The following DYNC1I1 variants were observed in gnomAD, a reference collection of about 807,000 sequenced individuals.
DYNC1I1 encodes the protein cytoplasmic dynein 1 intermediate chain 1.
In DYNC1I1, 43 loss-of-function variants were observed where a neutral mutation model predicts 86.6. The observed-to-expected ratio is 0.50, with a 90% CI of 0.39 to 0.64. The LOEUF is 0.64. Ranked by LOEUF, DYNC1I1 falls within the 30% of genes least tolerant of loss-of-function variation. The pLI is 0.00. For missense variants in DYNC1I1, 604 were observed against 788.8 expected (o/e 0.77, Z 2.81); for synonymous variants, 262 against 283.7 (o/e 0.92, Z 0.77).
At chr7:96,060,722 GTGTTGGGGAAAGGAGCATA>G (rs1425010794) in intron 14 of DYNC1I1, among the ~76,000 whole-genome samples, 1 of 152,026 alleles carries the variant, frequency 6.6e-6, no homozygotes, top group African/African-American at 2.4e-5. Flanking sequence ...GGCTGTGCAT[GTGTTGGGGAAAGGAGCATA>G]TGGGAAATCT....
At chr7:96,016,544 T>C (rs2115881103) in intron 10 of DYNC1I1, among the ~76,000 whole-genome samples, 1 of 152,260 alleles carries the variant, frequency 6.6e-6, no homozygotes, top group East Asian at 1.9e-4. Flanking sequence ...GACACACATA[T>C]CATGCAATTG....
At chr7:95,831,763 C>T (rs933234872) in intron 5 of DYNC1I1, among the ~76,000 whole-genome samples, 14 of 152,056 alleles carry the variant, frequency 9.2e-5, no homozygotes, top group African/African-American at 1.4e-4. Context: ...AACACTTTTT[C>T]ATATACATAT....
intron 10 of DYNC1I1, 31 bp downstream of exon 10, chr7:95,996,104 A>T (rs773430143): frequency 2.0e-5 from 33 of 1,613,634 alleles, no homozygotes; most frequent in Non-Finnish European, 2.5e-5. Context: ...AATAACTTAC[A>T]TCTCCTGCTA....
intron 5 of DYNC1I1, among the ~76,000 whole-genome samples, chr7:95,858,907 T>C (rs911353189): frequency 6.8e-6 from 1 of 147,066 alleles, no homozygotes; most frequent in Admixed American, 6.8e-5. Context: ...ATATTTATTA[T>C]TTTAATAATA....
chr7:96,078,137 G>A (rs1426695031), intron 15 of DYNC1I1, among the ~76,000 whole-genome samples: 2 of 152,128 alleles, frequency 1.3e-5, no homozygotes, highest in African/African-American at 4.8e-5. Flanking sequence ...CAGTAGAGCA[G>A]TATGTTTGGT....
At chr7:96,058,556 G>C (rs1158940875) in intron 14 of DYNC1I1, among the ~76,000 whole-genome samples, 1 of 152,078 alleles carries the variant, frequency 6.6e-6, no homozygotes, top group East Asian at 1.9e-4. Flanking sequence ...CAGTGACAAG[G>C]GCAGACAAAA....
intron 14 of DYNC1I1, among the ~76,000 whole-genome samples, chr7:96,054,491 G>T (rs947952033): frequency 1.3e-5 from 2 of 152,190 alleles, no homozygotes; most frequent in African/African-American, 4.8e-5. Flanking sequence ...AATCCTTTGG[G>T]TGTATACCCA....
intron 6 of DYNC1I1, among the ~76,000 whole-genome samples, chr7:95,923,762 C>A (rs1791671098): frequency 6.6e-6 from 1 of 152,012 alleles, no homozygotes. Flanking sequence ...TTGCTTTAAA[C>A]AAGATGCACC....
At chr7:95,938,614 GC>G (rs1792113450) in intron 6 of DYNC1I1, among the ~76,000 whole-genome samples, 1 of 152,042 alleles carries the variant, frequency 6.6e-6, no homozygotes, top group South Asian at 2.1e-4. Flanking sequence ...GATTTTTTCT[GC>G]CCATTTTTCT....
intron 6 of DYNC1I1, among the ~76,000 whole-genome samples, chr7:95,956,396 T>TTC (rs1792713293): frequency 6.8e-6 from 1 of 146,156 alleles, no homozygotes; most frequent in South Asian, 2.2e-4. Context: ...TTTTTTTTTT[T>TTC]ATTATACTTT....
At chr7:95,875,290 T>A (rs1437344710) in intron 6 of DYNC1I1, among the ~76,000 whole-genome samples, 1 of 151,528 alleles carries the variant, frequency 6.6e-6, no homozygotes, top group African/African-American at 2.4e-5. Context: ...AAAAGGGAGG[T>A]AAAGAGAAAA....
intron 1 of DYNC1I1, among the ~76,000 whole-genome samples, chr7:95,785,773 GTGTATATATATATATA>G (rs1562891578): frequency 3.5e-5 from 2 of 56,438 alleles, no homozygotes; most frequent in Non-Finnish European, 7.1e-5. Flanking sequence ...ATGTGTGTAT[GTGTATATATATATATA>G]TATATATATA....
chr7:95,944,503 A>G (rs149688876), intron 6 of DYNC1I1, among the ~76,000 whole-genome samples: 3,565 of 152,296 alleles, frequency 0.023, 74 homozygotes, highest in Middle Eastern at 0.068. Flanking sequence ...ATACCATCTG[A>G]CCCAGCCATC....
chr7:95,875,850 T>C (rs1268631551), intron 6 of DYNC1I1, among the ~76,000 whole-genome samples: 1 of 152,202 alleles, frequency 6.6e-6, no homozygotes, highest in East Asian at 1.9e-4. Context: ...TTTGATGATT[T>C]AGTCTCCTCT....
intron 6 of DYNC1I1, among the ~76,000 whole-genome samples, chr7:95,974,761 C>T (rs980292407): frequency 3.3e-5 from 5 of 152,144 alleles, no homozygotes; most frequent in African/African-American, 1.2e-4. Context: ...TTATGTACAG[C>T]TCTCAAGGGT....
intron 6 of DYNC1I1, among the ~76,000 whole-genome samples, chr7:95,944,358 T>G (rs1252575605): frequency 6.6e-6 from 1 of 152,080 alleles, no homozygotes; most frequent in Admixed American, 6.6e-5. Flanking sequence ...TGGCAATCAT[T>G]AAAAGTCAGG....
chr7:96,030,729 C>A (rs1794789929), intron 11 of DYNC1I1, among the ~76,000 whole-genome samples: 1 of 151,930 alleles, frequency 6.6e-6, no homozygotes, highest in African/African-American at 2.4e-5. Context: ...AAGTCTATAC[C>A]ATTTTCAGGT....
intron 6 of DYNC1I1, among the ~76,000 whole-genome samples, chr7:95,888,966 G>A (rs12540777): frequency 0.028 from 4,294 of 152,208 alleles, 174 homozygotes; most frequent in East Asian, 0.12. Context: ...AGTTCAGCCT[G>A]GGGGAATCTC....
At chr7:96,045,571 G>T (rs1248139757) in intron 14 of DYNC1I1, among the ~76,000 whole-genome samples, 1 of 152,184 alleles carries the variant, frequency 6.6e-6, no homozygotes, top group Non-Finnish European at 1.5e-5. Context: ...CGGTAAAATA[G>T]CCCTGAAGAG....
Sources: allele counts gnomAD v4.1 joint callset (sites outside exome capture counted in the v4.1 genomes callset), GRCh38; gene constraint gnomAD v4.1.1; transcripts MANE v1.5; gene names NCBI Gene and HGNC (gene_info 2026-07-23, HGNC 2026-07-21).